The following TMEM67 variants were observed in gnomAD, a reference collection of about 807,000 sequenced individuals.
TMEM67 encodes meckelin.
In TMEM67, 124 loss-of-function variants were observed where a neutral mutation model predicts 136.6. That is an observed-to-expected ratio of 0.91 (90% CI 0.78 to 1.05). TMEM67 has a LOEUF of 1.05. Ranked by LOEUF, TMEM67 falls within the 50% of genes least tolerant of loss-of-function variation. The probability of loss-of-function intolerance (pLI) is 0.00; values close to 1 mark genes in which losing one functional copy is unlikely to be tolerated. For synonymous variants in TMEM67, 364 were observed against 390.5 expected, an observed-to-expected ratio of 0.93 and a Z score of 0.80; for missense variants, 1,107 against 1,178.4, an observed-to-expected ratio of 0.94 and a Z score of 0.89.
At chr8:93,818,810 C>CAG (rs371960957), downstream of TMEM67, among the ~76,000 whole-genome samples, 20 of 151,646 alleles carry the variant, frequency 1.3e-4, no homozygotes, top group Middle Eastern at 3.4e-3. Context: ...GTGTGTGAGA[C>CAG]AGAGAGAGAG....
intron 7 of TMEM67, among the ~76,000 whole-genome samples, chr8:93,777,939 T>C (rs1157775629): frequency 6.6e-6 from 1 of 152,210 alleles, no homozygotes; most frequent in African/African-American, 2.4e-5. Context: ...ATCTGCCTAA[T>C]AGTGACAGTG....
intron 23 of TMEM67, among the ~76,000 whole-genome samples, chr8:93,805,309 C>T (rs1289986149): frequency 1.2e-4 from 18 of 151,986 alleles, no homozygotes; most frequent in Admixed American, 1.2e-3. Flanking sequence ...GACTGCCAGG[C>T]ATGGTGGCTC....
At chr8:93,797,795 A>G (rs925552552) in intron 20 of TMEM67, among the ~76,000 whole-genome samples, 9 of 152,182 alleles carry the variant, frequency 5.9e-5, no homozygotes, top group African/African-American at 2.2e-4. Context: ...CAGCCTGGCC[A>G]ACATGGAGAA....
intron 14 of TMEM67, among the ~76,000 whole-genome samples, chr8:93,788,511 G>A (rs975937299): frequency 6.6e-6 from 1 of 152,118 alleles, no homozygotes. Context: ...GTAGTGAGCC[G>A]AGATCGCGCC....
chr8:93,759,379 CT>C (rs1812720721), intron 3 of TMEM67: 1 of 149,758 alleles, frequency 6.7e-6, no homozygotes, highest in Non-Finnish European at 1.5e-5. Context: ...GGGAAGATCG[CT>C]TGAGCCTGGA....
downstream of TMEM67, among the ~76,000 whole-genome samples, chr8:93,821,809 T>C (rs1809045421): frequency 6.6e-6 from 1 of 152,128 alleles, no homozygotes; most frequent in Admixed American, 6.6e-5. Context: ...GAGGATCACT[T>C]GAGCCCAGGG....
intron 6 of TMEM67, among the ~76,000 whole-genome samples, chr8:93,770,915 T>G (rs1813299217): frequency 6.6e-6 from 1 of 151,800 alleles, no homozygotes; most frequent in African/African-American, 2.4e-5. Flanking sequence ...CTCAGGAGGC[T>G]GAGGCAGGAG....
chr8:93,807,004 A>G (rs1439444019), intron 23 of TMEM67, among the ~76,000 whole-genome samples: 3 of 152,170 alleles, frequency 2.0e-5, no homozygotes, highest in Admixed American at 6.5e-5. Flanking sequence ...TTAAAATCTC[A>G]ATGGAAAAAT....
the TMEM67 span, among the ~76,000 whole-genome samples, chr8:93,826,473 T>G: frequency 6.6e-6 from 1 of 152,132 alleles, no homozygotes; most frequent in Admixed American, 6.5e-5. Flanking sequence ...GGGGATAAAG[T>G]GAAAGCTGTG....
chr8:93,793,243 T>C lies in TMEM67; in HGVS notation c.1621T>C (p.Leu541=), dbSNP rs1420559146. Residue 541 remains leucine (L), a synonymous_variant, in exon 16 of 28, where the codon TTG becomes CTG. Transcript: ENST00000453321. ...TGGGCTAGCTGTTTTAGCATCTCTT[T>C]TGAAGACAGCAGGATGGAAGAGGCG... ...LGGLAVLASL[L]KTAGWKRRIG... is the part of the protein sequence containing the mutation. The C allele has an allele frequency of 5.0e-6, 8 of 1,614,198 alleles. No individual in the cohort carries two copies. Among genetic ancestry groups the C allele is most frequent in the East Asian group, 2.2e-5 (1 of 44,888 alleles).
At chr8:93,780,807 T>C in intron 8 of TMEM67, 60 bp downstream of exon 8, 3 of 1,593,302 alleles carry the variant, frequency 1.9e-6, no homozygotes, top group Non-Finnish European at 2.6e-6. Context: ...GTTATTAATA[T>C]ATTCACAAAT....
At chr8:93,798,983 GTT>G (rs1491263674) in intron 20 of TMEM67, among the ~76,000 whole-genome samples, 5 of 143,964 alleles carry the variant, frequency 3.5e-5, no homozygotes, top group Non-Finnish European at 7.7e-5. Context: ...GTGTGTGTGT[GTT>G]TAAGAGTTTC....
intron 22 of TMEM67, among the ~76,000 whole-genome samples, chr8:93,804,041 AT>A (rs112646842): frequency 4.3e-4 from 63 of 145,382 alleles, no homozygotes; most frequent in East Asian, 4.0e-4. Flanking sequence ...TGCTGGGCTA[AT>A]TTTTTTTTTT....
chr8:93,759,652 TG>T lies in TMEM67; in HGVS notation c.406+1077del, dbSNP rs1464308280. Reference sequence around the variant, plus strand: ...TTTTTTTAATTTTAATTTTTATTTTTGTTTTTTTTTTTTTGAGACAGAGTTT... The same window carrying T: ...TTTTTTTAATTTTAATTTTTATTTTTTTTTTTTTTTTTTGAGACAGAGTTT... On this transcript the variant is annotated intron_variant, in intron 3 of 27. Transcript: ENST00000453321. Among the ~76,000 whole-genome samples, 84 of 149,984 alleles carry T rather than the reference TG, an allele frequency of 5.6e-4. 1 individual carries two copies. The highest frequency in any genetic ancestry group is 1.3e-3 in the South Asian group (6 of 4,792).
At chr8:93,788,004 T>C in intron 14 of TMEM67, 55 bp downstream of exon 14, 1 of 1,349,796 alleles carries the variant, frequency 7.4e-7, no homozygotes, top group Non-Finnish European at 1.1e-6. Flanking sequence ...ATAATACTGA[T>C]TCAGTTTACA....
intron 1 of TMEM67, 62 bp downstream of exon 1, chr8:93,755,199 C>G (rs1024101692): frequency 1.6e-5 from 23 of 1,443,302 alleles, no homozygotes; most frequent in African/African-American, 2.8e-5. Context: ...GGCCCCTAGT[C>G]CCCGTAAATG....
chr8:93,759,924 A>G, intron 3 of TMEM67: 1 of 1,523,826 alleles, frequency 6.6e-7, no homozygotes, highest in Non-Finnish European at 8.9e-7. Context: ...GCTGGGATAC[A>G]GGCTTGAGCC....
chr8:93,803,675 T>A lies in TMEM67; in HGVS notation c.2313T>A (p.Ser771=). 1 of 1,559,874 alleles carries A rather than the reference T, an allele frequency of 6.4e-7. No individual in the cohort carries two copies. Among genetic ancestry groups the A allele is most frequent in the Non-Finnish European group, 8.8e-7 (1 of 1,131,062 alleles). Reference sequence around the variant, plus strand: ...TTCGACAGTTCGTTGATTTATGCTCTATGAGTAATGTAAGTACTTTCTGAC... The same window carrying A: ...TTCGACAGTTCGTTGATTTATGCTCAATGAGTAATGTAAGTACTTTCTGAC... ...DKIRQFVDLC[S]MSNISVFLLS... Residue 771 remains serine (S), a synonymous_variant, in exon 22 of 28, where the codon TCT becomes TCA. Coordinates refer to ENST00000453321, the MANE Select transcript of TMEM67 (RefSeq NM_153704.6).
At chr8:93,755,489 C>T (rs1812527593) in intron 1 of TMEM67, among the ~76,000 whole-genome samples, 1 of 152,170 alleles carries the variant, frequency 6.6e-6, no homozygotes, top group Non-Finnish European at 1.5e-5. Context: ...CATACTAACC[C>T]TGTGAGGTAG....
Sources: gnomAD v4.1 joint callset for allele counts (sites outside exome capture counted in the v4.1 genomes callset) on GRCh38, gnomAD v4.1.1 for gene constraint, MANE v1.5 for transcripts, NCBI Gene and HGNC (gene_info 2026-07-23, HGNC 2026-07-21) for gene names.